Variants in SPECC1L observed in about 807,000 individuals in gnomAD.
The protein encoded by SPECC1L is sperm antigen with calponin homology and coiled-coil domains 1 like.
SPECC1L carries 40 observed loss-of-function variants against 116.8 expected under a neutral mutation model. The ratio of observed to expected loss-of-function variants is 0.34; its 90% confidence interval spans 0.27 to 0.45. The LOEUF (loss-of-function observed/expected upper bound fraction) is 0.45. SPECC1L is among the 20% of genes least tolerant of loss of function. SPECC1L has a pLI of 1.00. For missense variants in SPECC1L, 1,110 were observed against 1,373.6 expected (o/e 0.81, Z 3.03); for synonymous variants, 504 against 500.6 (o/e 1.01, Z -0.09).
chr22:24,406,395 CCTG>C (rs2042591327), intron 14 of SPECC1L, among the ~76,000 whole-genome samples: 1 of 152,198 alleles, frequency 6.6e-6, no homozygotes, highest in African/African-American at 2.4e-5. Flanking sequence ...CCCCAGGCAT[CCTG>C]CGAGCAGTAC....
Position 24,321,425 on chromosome 22 carries a change from G to T in SPECC1L, c.445G>T (p.Ala149Ser), listed in dbSNP as rs1257477945. 2 of 1,614,122 alleles carry T rather than the reference G, an allele frequency of 1.2e-6. No individual in the cohort carries two copies. Among genetic ancestry groups the T allele is most frequent in the Non-Finnish European group, 1.7e-6 (2 of 1,180,046 alleles). ...PSAGQGANDM[A>S]LAKRSRSRTA... ...TGCAGGTCAGGGAGCTAATGACATG[G>T]CATTGGCCAAACGTTCCCGCAGTCG... The change falls in exon 5 of 17, where the codon GCA (alanine) becomes TCA (serine). Residue 149 changes from alanine to serine, a missense_variant. By Grantham distance (99) the Ala-to-Ser change is moderately conservative (BLOSUM62 1). Transcript: ENST00000314328.
intron 4 of SPECC1L, among the ~76,000 whole-genome samples, chr22:24,317,064 G>T (rs2040591266): frequency 8.1e-6 from 1 of 122,772 alleles, no homozygotes; most frequent in African/African-American, 2.9e-5. Flanking sequence ...TCCCGGAGGG[G>T]GTGGCTGGCC....
chr22:24,407,199 G>A (rs1216074342), intron 14 of SPECC1L, among the ~76,000 whole-genome samples: 1 of 152,206 alleles, frequency 6.6e-6, no homozygotes, highest in Non-Finnish European at 1.5e-5. Context: ...GGCTTTACTT[G>A]TATTGATAGG....
At position 24,365,478 on chromosome 22, in the gene SPECC1L, T is replaced by A. The variant is rs202132047; in HGVS notation, c.2830T>A (p.Ser944Thr). 45 of 1,613,960 alleles carry A rather than the reference T, an allele frequency of 2.8e-5. No individual in the cohort carries two copies. The highest frequency in any genetic ancestry group is 3.7e-5 in the Non-Finnish European group (44 of 1,179,968). The change falls in exon 13 of 17, where the codon TCT (serine) becomes ACT (threonine). Residue 944 changes from serine (S) to threonine (T), a missense_variant and splice_region_variant. Around this residue, in one of 4 missense-constraint regions of SPECC1L, gnomAD observed 575 missense variants for 682.4 expected, o/e 0.84. Transcript: ENST00000314328. The stretch of plus-strand genomic sequence containing the variant: ...TGCATAATGACTATTTCTCACAGTG[T>A]CTCGACGAAGTAGTGAAGAAGTGAA... ...AMESAKTLSV[S>T]RRSSEEVKRD...
chr22:24,324,490 G>C, intron 6 of SPECC1L, 63 bp downstream of exon 6: 1 of 1,459,988 alleles, frequency 6.8e-7, no homozygotes, highest in Non-Finnish European at 9.5e-7. Flanking sequence ...GGGATAATTT[G>C]CATTTAGTAA....
chr22:24,363,384 T>C (rs1034353336), intron 12 of SPECC1L, 40 bp downstream of exon 12: 4 of 1,548,834 alleles, frequency 2.6e-6, no homozygotes, highest in Non-Finnish European at 1.8e-6. Flanking sequence ...ATTTGTTGTT[T>C]TTTAGAGACA....
intron 3 of SPECC1L, 27 bp downstream of exon 3, chr22:24,302,411 A>G (rs201027321): frequency 1.2e-6 from 2 of 1,613,334 alleles, no homozygotes; most frequent in East Asian, 2.2e-5. Context: ...TGAATACATG[A>G]TGGGTTTTTG....
intron 14 of SPECC1L, 138 bp downstream of exon 14, chr22:24,369,458 T>G: frequency 1.4e-6 from 1 of 722,430 alleles, no homozygotes; most frequent in Non-Finnish European, 2.5e-6. Context: ...TCCTAACACA[T>G]TGGGAGGCTG....
At chr22:24,410,641 A>C (rs1005872059) in intron 14 of SPECC1L, among the ~76,000 whole-genome samples, 1 of 152,052 alleles carries the variant, frequency 6.6e-6, no homozygotes, top group African/African-American at 2.4e-5. Context: ...TTTAACCACA[A>C]GTTTGTGGTG....
chr22:24,290,280 C>G (rs2049132674), intron 2 of SPECC1L, among the ~76,000 whole-genome samples: 1 of 152,140 alleles, frequency 6.6e-6, no homozygotes, highest in East Asian at 1.9e-4. Context: ...GAGTGCCTAC[C>G]TGGAGTGGGG....
In SPECC1L at chr22:24,338,416, G is replaced by T; in HGVS notation, c.2591G>T (p.Arg864Leu). 1 of 1,613,930 alleles carries T rather than the reference G, an allele frequency of 6.2e-7. No individual in the cohort carries two copies. Among genetic ancestry groups the T allele is most frequent in the African/African-American group, 1.3e-5 (1 of 74,988 alleles). The change falls in exon 10 of 17, where the codon CGA (arginine) becomes CTA (leucine). Residue 864 changes from arginine (R) to leucine (L), a missense_variant. Physicochemically the swap from Arg to Leu is moderately radical, Grantham distance 102. Transcript: ENST00000314328. The stretch of plus-strand genomic sequence containing the variant: ...AACCCTGCTGCAGCTGCAATTCCTC[G>T]AACGCCCCTGAGCCCAAGTCCTATG... ...VPNPAAAAIPRTPLSPSPMKT... is the reference protein window; with the variant it reads ...VPNPAAAAIPLTPLSPSPMKT...
At chr22:24,400,639 T>A (rs1386998640) in intron 14 of SPECC1L, among the ~76,000 whole-genome samples, 2 of 152,242 alleles carry the variant, frequency 1.3e-5, no homozygotes, top group Non-Finnish European at 2.9e-5. Context: ...ACTGAGGAAC[T>A]GCCAAACTCT....
rs758747736 is a variant in SPECC1L, at chr22:24,322,935, T to G, written c.1938+17T>G. The G allele has an allele frequency of 6.2e-7, 1 of 1,613,544 alleles. No individual in the cohort carries two copies. The highest frequency in any genetic ancestry group is 1.1e-5 in the South Asian group (1 of 91,058). ...ATTGCTAAGGTATTGTTTAAATAGA[T>G]TAAAATGTTCCGGACAGCATTAGGC... On this transcript the variant is annotated intron_variant, in intron 5 of 16. Coordinates refer to ENST00000314328, the MANE Select transcript of SPECC1L (RefSeq NM_015330.6).
intron 14 of SPECC1L, 58 bp downstream of exon 14, chr22:24,369,378 T>C: frequency 8.0e-7 from 1 of 1,246,726 alleles, no homozygotes; most frequent in Non-Finnish European, 1.2e-6. Context: ...TGCTGGAGTG[T>C]CGTAGCTTAC....
intron 3 of SPECC1L, among the ~76,000 whole-genome samples, chr22:24,312,483 A>G (rs185059246): frequency 1.3e-5 from 2 of 152,348 alleles, no homozygotes; most frequent in Non-Finnish European, 2.9e-5. Context: ...TCAGTTGGCT[A>G]ACTCATGCCA....
chr22:24,284,244 T>C (rs1367903530), intron 2 of SPECC1L, among the ~76,000 whole-genome samples: 1 of 152,158 alleles, frequency 6.6e-6, no homozygotes, highest in Non-Finnish European at 1.5e-5. Flanking sequence ...TTTTTAAAGG[T>C]AATTTAAGGA....
At chr22:24,390,888 T>TTC (rs2042258975) in intron 14 of SPECC1L, among the ~76,000 whole-genome samples, 1 of 106,018 alleles carries the variant, frequency 9.4e-6, no homozygotes, top group South Asian at 3.1e-4. Context: ...TTTTTTTTTT[T>TTC]TTTTTTTTTT....
rs769293529 is a variant in SPECC1L, at chr22:24,322,474, C to T, written c.1494C>T (p.Leu498=). The T allele has an allele frequency of 9.3e-6, 15 of 1,614,040 alleles. No individual in the cohort carries two copies. Among genetic ancestry groups the T allele is most frequent in the African/African-American group, 4.0e-5 (3 of 74,930 alleles). The change falls in exon 5 of 17, where the codon CTC becomes CTT. Residue 498 remains leucine, a synonymous_variant. Coordinates refer to ENST00000314328, the MANE Select transcript of SPECC1L (RefSeq NM_015330.6). ...YMELEQRYMD[L]AENARFEREQ... The stretch of plus-strand genomic sequence containing the variant: ...AATTAGAGCAACGTTACATGGACCT[C>T]GCTGAGAATGCCCGTTTTGAACGGG...
At chr22:24,397,271 C>T (rs17004911) in intron 14 of SPECC1L, among the ~76,000 whole-genome samples, 1 of 152,106 alleles carries the variant, frequency 6.6e-6, no homozygotes, top group Non-Finnish European at 1.5e-5. Context: ...AAAATAAGTT[C>T]ATCGTAAGGT....
Sources: gnomAD v4.1 joint callset for allele counts (sites outside exome capture counted in the v4.1 genomes callset) on GRCh38, gnomAD v4.1.1 for gene constraint, gnomAD v4.1.1 regional missense constraint, MANE v1.5 for transcripts, NCBI Gene and HGNC (gene_info 2026-07-23, HGNC 2026-07-21) for gene names.